The following PALLD variants were observed in gnomAD, a reference collection of about 807,000 sequenced individuals.
PALLD encodes the protein palladin.
In PALLD, 61 loss-of-function variants were observed where a neutral mutation model predicts 123.5. The ratio of observed to expected loss-of-function variants is 0.49; its 90% confidence interval spans 0.40 to 0.61. PALLD has a LOEUF of 0.61. Ranked by LOEUF, PALLD falls within the 20% of genes least tolerant of loss-of-function variation. PALLD has a pLI of 0.00. For synonymous variants in PALLD, 465 were observed against 496.4 expected (o/e 0.94, Z 0.84); for missense variants, 1,273 against 1,377.0 (o/e 0.92, Z 1.20).
intron 2 of PALLD, among the ~76,000 whole-genome samples, chr4:168,642,946 C>G (rs1196828072): frequency 6.6e-6 from 1 of 152,182 alleles, no homozygotes; most frequent in Non-Finnish European, 1.5e-5. Context: ...GACGTGAAAG[C>G]TCTTTGAGAA....
chr4:168,691,119 T>G (rs1158304717), intron 7 of PALLD, 150 bp from the exon 8 acceptor site: 1 of 676,348 alleles, frequency 1.5e-6, no homozygotes, highest in Non-Finnish European at 2.7e-6. Flanking sequence ...TCTATCACTT[T>G]ATATCTTTTG....
intron 10 of PALLD, among the ~76,000 whole-genome samples, chr4:168,792,536 AAG>A (rs1239480716): frequency 6.6e-6 from 1 of 151,936 alleles, no homozygotes; most frequent in Non-Finnish European, 1.5e-5. Context: ...TCTCCACTCC[AAG>A]AAGCTTTCCT....
intron 2 of PALLD, among the ~76,000 whole-genome samples, chr4:168,557,387 G>A (rs1227191959): frequency 6.6e-6 from 1 of 152,124 alleles, no homozygotes; most frequent in Non-Finnish European, 1.5e-5. Flanking sequence ...AGAGTTCCAT[G>A]CATCTGAGAA....
chr4:168,777,201 TTCC>T (rs1243243744), intron 10 of PALLD, among the ~76,000 whole-genome samples: 1 of 152,130 alleles, frequency 6.6e-6, no homozygotes, highest in Admixed American at 6.6e-5. Flanking sequence ...CTTTTCAACC[TTCC>T]TGAGTAGAGC....
chr4:168,631,310 G>C (rs374371431), intron 2 of PALLD, among the ~76,000 whole-genome samples: 5 of 152,314 alleles, frequency 3.3e-5, no homozygotes, highest in Middle Eastern at 3.4e-3. Flanking sequence ...CTGCTTCTTG[G>C]ATTTCCCCCC....
chr4:168,857,817 A>T (rs1040625340), intron 10 of PALLD, among the ~76,000 whole-genome samples: 1 of 152,342 alleles, frequency 6.6e-6, no homozygotes, highest in East Asian at 1.9e-4. Flanking sequence ...AAAAGAACCT[A>T]AGAATTTCTG....
At chr4:168,688,575 T>C (rs766274847) in intron 6 of PALLD, among the ~76,000 whole-genome samples, 2 of 152,204 alleles carry the variant, frequency 1.3e-5, no homozygotes, top group Non-Finnish European at 2.9e-5. Flanking sequence ...CCTGTAAAGG[T>C]TGACTTTCAG....
At chr4:168,623,480 A>G (rs1379245723) in intron 2 of PALLD, among the ~76,000 whole-genome samples, 1 of 152,248 alleles carries the variant, frequency 6.6e-6, no homozygotes, top group Non-Finnish European at 1.5e-5. Context: ...ATTCCCCTGA[A>G]GATGCAGGAC....
intron 2 of PALLD, among the ~76,000 whole-genome samples, chr4:168,660,914 C>G (rs1041487627): frequency 2.1e-5 from 3 of 146,060 alleles, no homozygotes; most frequent in African/African-American, 7.6e-5. Flanking sequence ...TTTTTTTTTC[C>G]TTTTTTTTGA....
intron 2 of PALLD, among the ~76,000 whole-genome samples, chr4:168,569,364 C>T (rs1417235079): frequency 2.0e-5 from 3 of 152,102 alleles, no homozygotes; most frequent in Non-Finnish European, 4.4e-5. Context: ...CTCTCATTCG[C>T]CTTCTCATTT....
chr4:168,777,648 G>T (rs539042162), intron 10 of PALLD, among the ~76,000 whole-genome samples: 3 of 152,302 alleles, frequency 2.0e-5, no homozygotes, highest in South Asian at 4.1e-4. Flanking sequence ...GTTCATCTGA[G>T]AGCATACTGG....
chr4:168,811,314 A>C (rs1428425827), intron 10 of PALLD, among the ~76,000 whole-genome samples: 4 of 152,124 alleles, frequency 2.6e-5, no homozygotes, highest in Non-Finnish European at 5.9e-5. Flanking sequence ...TTTGTTCTCT[A>C]CTAGCACCTG....
chr4:168,915,254 C>T (rs946108596), intron 16 of PALLD, among the ~76,000 whole-genome samples: 1 of 152,134 alleles, frequency 6.6e-6, no homozygotes, highest in African/African-American at 2.4e-5. Flanking sequence ...TATTCAACAT[C>T]TTTTAAGTCT....
At chr4:168,824,984 G>A (rs985558422) in intron 10 of PALLD, among the ~76,000 whole-genome samples, 4 of 151,768 alleles carry the variant, frequency 2.6e-5, no homozygotes, top group African/African-American at 7.3e-5. Context: ...ACCACACCTG[G>A]CTTCTATTTT....
At chr4:168,826,805 T>G (rs1743477647) in intron 10 of PALLD, among the ~76,000 whole-genome samples, 1 of 152,120 alleles carries the variant, frequency 6.6e-6, no homozygotes, top group South Asian at 2.1e-4. Flanking sequence ...AACCTCCACT[T>G]CACAAATGAG....
chr4:168,878,883 G>GT (rs1345269186), intron 10 of PALLD, among the ~76,000 whole-genome samples: 5 of 152,146 alleles, frequency 3.3e-5, no homozygotes, highest in Non-Finnish European at 5.9e-5. Flanking sequence ...CAAACTATGT[G>GT]TTTTATTATA....
At chr4:168,702,049 T>A (rs1783726866) in intron 8 of PALLD, among the ~76,000 whole-genome samples, 1 of 152,210 alleles carries the variant, frequency 6.6e-6, no homozygotes, top group Non-Finnish European at 1.5e-5. Context: ...ATAATTCTCA[T>A]GAATCATTTG....
At chr4:168,625,514 T>TATATATATAGATAG (rs1775173664) in intron 2 of PALLD, among the ~76,000 whole-genome samples, 1 of 46,078 alleles carries the variant, frequency 2.2e-5, no homozygotes, top group Non-Finnish European at 7.5e-5. Context: ...TATATATATA[T>TATATATATAGATAG]ATATCCTATA....
At chr4:168,726,523 C>A (rs1463784155) in intron 10 of PALLD, among the ~76,000 whole-genome samples, 1 of 152,094 alleles carries the variant, frequency 6.6e-6, no homozygotes, top group African/African-American at 2.4e-5. Context: ...GAGACAAGGT[C>A]TCACTCTGTT....
Sources: allele counts gnomAD v4.1 joint callset (sites outside exome capture counted in the v4.1 genomes callset), GRCh38; gene constraint gnomAD v4.1.1; transcripts MANE v1.5; gene names NCBI Gene and HGNC (gene_info 2026-07-23, HGNC 2026-07-21).